The following PDE3A variants were observed in gnomAD, a reference collection of about 807,000 sequenced individuals.
PDE3A encodes the protein phosphodiesterase 3A.
Under a neutral mutation model 98.3 loss-of-function variants are expected in PDE3A, and 43 were observed. That is an observed-to-expected ratio of 0.44 (90% confidence interval 0.34 to 0.56). The LOEUF (loss-of-function observed/expected upper bound fraction) is 0.56. PDE3A is among the 20% of genes least tolerant of loss of function. The probability of loss-of-function intolerance (pLI) is 0.01; values close to 1 mark genes in which losing one functional copy is unlikely to be tolerated. For synonymous variants in PDE3A, 663 were observed against 567.9 expected (o/e 1.17, Z -2.38); for missense variants, 1,427 against 1,440.7 (o/e 0.99, Z 0.15).
intron 1 of PDE3A, among the ~76,000 whole-genome samples, chr12:20,415,157 C>T (rs543988811): frequency 6.6e-6 from 1 of 151,298 alleles, no homozygotes; most frequent in South Asian, 2.1e-4. Flanking sequence ...ATGCCCATAG[C>T]AGCTGTTTCC....
In PDE3A at chr12:20,675,418, A is replaced by G. The variant is rs138144310; in HGVS notation, c.3185-4612A>G. Among the ~76,000 whole-genome samples the G allele has an allele frequency of 3.7e-3, 565 of 152,330 alleles. 3 individuals are homozygous for G. Among genetic ancestry groups the G allele is most frequent in the East Asian group, 0.011 (55 of 5,190 alleles). ...ACAAAATGTTCTGTAAATATCTGTG[A>G]AGTCCATTGGCCTAAAATGCAGTTT... On this transcript the variant is annotated intron_variant, in intron 15 of 15. Coordinates refer to ENST00000359062, the MANE Select transcript of PDE3A (RefSeq NM_000921.5).
chr12:20,536,123 A>G (rs748791874), intron 1 of PDE3A, among the ~76,000 whole-genome samples: 2 of 152,176 alleles, frequency 1.3e-5, no homozygotes, highest in Non-Finnish European at 2.9e-5. Flanking sequence ...CACTATGAAT[A>G]GGAATAATGA....
intron 1 of PDE3A, among the ~76,000 whole-genome samples, chr12:20,383,373 G>C (rs1382409166): frequency 2.0e-5 from 3 of 151,860 alleles, no homozygotes; most frequent in Non-Finnish European, 4.4e-5. Flanking sequence ...ATTCTCAAAT[G>C]ACAGGGACTT....
At position 20,635,337 on chromosome 12, in the gene PDE3A, C is replaced by A. The variant is rs569771187; in HGVS notation, c.2001+281C>A. 4.6e-4 allele frequency among the ~76,000 whole-genome samples: 70 copies of A among 152,070 alleles called. 1 individual carries two copies. Among genetic ancestry groups the A allele is most frequent in the African/African-American group, 1.5e-3 (64 of 41,474 alleles). ...ATCCCAGCACTTTGGGAGGCCAAGG[C>A]GGGAGTATCACGAGGTCAGCAATGA... On this transcript the variant is annotated intron_variant, in intron 8 of 15. Transcript: ENST00000359062.
At chr12:20,678,422 C>T (rs1184241661) in intron 15 of PDE3A, among the ~76,000 whole-genome samples, 3 of 152,134 alleles carry the variant, frequency 2.0e-5, no homozygotes, top group Admixed American at 2.0e-4. Flanking sequence ...CTCTAGCCTA[C>T]CGTCTTGAAG....
At chr12:20,370,409 G>GTTT (rs372135967) in intron 1 of PDE3A, 165 bp downstream of exon 1, 66 of 297,630 alleles carry the variant, frequency 2.2e-4, no homozygotes, top group Middle Eastern at 9.7e-4. Flanking sequence ...TGTTTTTTTT[G>GTTT]TTTTTTTTTT....
chr12:20,430,832 T>C (rs1944684098), intron 1 of PDE3A, among the ~76,000 whole-genome samples: 2 of 152,178 alleles, frequency 1.3e-5, no homozygotes. Context: ...GAAGGTAATA[T>C]TATTGGCCTC....
At chr12:20,644,017 T>A (rs185549671) in intron 10 of PDE3A, among the ~76,000 whole-genome samples, 1,088 of 152,192 alleles carry the variant, frequency 7.1e-3, no homozygotes, top group Middle Eastern at 0.017. Flanking sequence ...TCCACCTCCG[T>A]ACTGCTATGC....
At chr12:20,424,518 T>A (rs1944573054) in intron 1 of PDE3A, among the ~76,000 whole-genome samples, 1 of 152,204 alleles carries the variant, frequency 6.6e-6, no homozygotes, top group South Asian at 2.1e-4. Context: ...AAAATTTTTA[T>A]TGCAAATTAT....
At chr12:20,492,427 A>C (rs550272398) in intron 1 of PDE3A, among the ~76,000 whole-genome samples, 1 of 152,100 alleles carries the variant, frequency 6.6e-6, no homozygotes, top group Non-Finnish European at 1.5e-5. Flanking sequence ...TATGAGTCAC[A>C]GTCTGGGCAG....
At chr12:20,676,266 T>C (rs970172567) in intron 15 of PDE3A, among the ~76,000 whole-genome samples, 3 of 152,140 alleles carry the variant, frequency 2.0e-5, no homozygotes, top group African/African-American at 7.2e-5. Flanking sequence ...GGTCTAGTGG[T>C]GATGAATTCT....
intron 1 of PDE3A, among the ~76,000 whole-genome samples, chr12:20,383,364 T>C (rs897187043): frequency 7.9e-5 from 12 of 151,916 alleles, no homozygotes; most frequent in Admixed American, 7.2e-4. Context: ...GGTGCCATTA[T>C]TCTCAAATGA....
chr12:20,489,761 AGATGGGTCTTAGG>A lies in PDE3A; in HGVS notation c.961-66898_961-66886del, dbSNP rs1186516565. ...GTTCACTGATTTAGATGTTGATGAC[AGATGGGTCTTAGG>A]TCAGGATAACAGCTATGGCTGGGAG... On this transcript the variant is annotated intron_variant, in intron 1 of 15. Coordinates refer to ENST00000359062, the MANE Select transcript of PDE3A (RefSeq NM_000921.5). 2.0e-5 allele frequency among the ~76,000 whole-genome samples: 3 copies of A among 152,238 alleles called. No individual in the cohort carries two copies. In the East Asian group the frequency reaches 5.8e-4, roughly 29 times the overall value.
intron 15 of PDE3A, among the ~76,000 whole-genome samples, chr12:20,655,621 A>C (rs1308406138): frequency 6.6e-6 from 1 of 152,204 alleles, no homozygotes; most frequent in Non-Finnish European, 1.5e-5. Context: ...AAGAACAGCA[A>C]CAACAAATAA....
At chr12:20,372,558 T>A (rs933402528) in intron 1 of PDE3A, among the ~76,000 whole-genome samples, 2 of 152,150 alleles carry the variant, frequency 1.3e-5, no homozygotes, top group Non-Finnish European at 2.9e-5. Context: ...AGCCTTACTG[T>A]GTGAAAAGTT....
chr12:20,509,233 G>C (rs1391587064), intron 1 of PDE3A, among the ~76,000 whole-genome samples: 5 of 152,060 alleles, frequency 3.3e-5, no homozygotes, highest in African/African-American at 1.2e-4. Flanking sequence ...CACCACATCT[G>C]TGTCCACAGC....
At chr12:20,401,833 CCA>C (rs1167676004) in intron 1 of PDE3A, among the ~76,000 whole-genome samples, 1 of 152,136 alleles carries the variant, frequency 6.6e-6, no homozygotes, top group African/African-American at 2.4e-5. Flanking sequence ...CTCCTGCGCC[CCA>C]CATTATTTAT....
chr12:20,580,477 G>T (rs1943037283), intron 2 of PDE3A, among the ~76,000 whole-genome samples: 1 of 152,094 alleles, frequency 6.6e-6, no homozygotes, highest in Non-Finnish European at 1.5e-5. Flanking sequence ...AAAGTTGTTT[G>T]GGGTGGAAGA....
chr12:20,627,898 C>A (rs1944302835), intron 5 of PDE3A, among the ~76,000 whole-genome samples: 1 of 152,160 alleles, frequency 6.6e-6, no homozygotes, highest in African/African-American at 2.4e-5. Context: ...TCCTTAACGG[C>A]TACAGTGCCT....
Sources: allele counts gnomAD v4.1 joint callset (sites outside exome capture counted in the v4.1 genomes callset), GRCh38; gene constraint gnomAD v4.1.1; transcripts MANE v1.5; gene names NCBI Gene and HGNC (gene_info 2026-07-23, HGNC 2026-07-21).